Variants in ZNF184 observed in about 807,000 individuals in gnomAD.
ZNF184 encodes zinc finger protein 184 (Kruppel-like).
In ZNF184, 16 loss-of-function variants were observed where a neutral mutation model predicts 54.4. That is an observed-to-expected ratio of 0.29 (90% CI 0.20 to 0.45). The LOEUF (loss-of-function observed/expected upper bound fraction) is 0.45, where lower values mean the gene tolerates loss of function less well. Ranked by LOEUF, ZNF184 falls within the 20% of genes least tolerant of loss-of-function variation. The pLI, the probability that ZNF184 is intolerant of heterozygous loss-of-function variation, is 1.00. For synonymous variants in ZNF184, 254 were observed against 295.3 expected, an observed-to-expected ratio of 0.86 and a Z score of 1.43; for missense variants, 681 against 888.2, an observed-to-expected ratio of 0.77 and a Z score of 2.97.
At chr6:27,423,465 T>C in the ZNF184 span, among the ~76,000 whole-genome samples, 144 of 152,262 alleles carry the variant, frequency 9.5e-4, no homozygotes, top group Non-Finnish European at 1.6e-3. Context: ...GGCTGTGAGT[T>C]TGAAGAAAGA....
intron 3 of ZNF184, among the ~76,000 whole-genome samples, chr6:27,465,511 C>CAAAAAAAAAAAA (rs1345135612): frequency 3.4e-5 from 3 of 88,442 alleles, no homozygotes; most frequent in Non-Finnish European, 2.4e-5. Context: ...AAAAAAAAAG[C>CAAAAAAAAAAAA]AAAACCCAAC....
chr6:27,451,456 ATTACAG>A lies in ZNF184; in HGVS notation c.2097_2102del (p.Cys700_Asn701del). On this transcript the variant is annotated inframe_deletion, in exon 6 of 6. Transcript: ENST00000683788. ...TCTGGCTAAAAGTCTTTCTGCATTC[ATTACAG>A]TTATAAGGTTTCTCTCCAGTATGAG... 6.2e-7 allele frequency: 1 copy of A among 1,614,146 alleles called. No individual in the cohort carries two copies. Among genetic ancestry groups the A allele is most frequent in the Non-Finnish European group, 8.5e-7 (1 of 1,180,018 alleles).
the ZNF184 span, among the ~76,000 whole-genome samples, chr6:27,413,973 C>T: frequency 6.6e-6 from 1 of 152,174 alleles, no homozygotes; most frequent in Non-Finnish European, 1.5e-5. Context: ...GATTTGAGAT[C>T]TCAAGAACTA....
the ZNF184 span, chr6:27,407,638 C>T: frequency 1.6e-6 from 1 of 607,832 alleles, no homozygotes; most frequent in East Asian, 2.9e-5. Flanking sequence ...GAGGTGTGTG[C>T]CTGCACGCCA....
At chr6:27,442,880 A>AAGAAAGAAAG in the ZNF184 span, among the ~76,000 whole-genome samples, 7 of 86,256 alleles carry the variant, frequency 8.1e-5, no homozygotes, top group African/African-American at 2.5e-4. Flanking sequence ...GAAAGAAAGA[A>AAGAAAGAAAG]AAAGAAAAAA....
At chr6:27,449,253 C>A (rs943362354), downstream of ZNF184, among the ~76,000 whole-genome samples, 3 of 152,184 alleles carry the variant, frequency 2.0e-5, no homozygotes, top group East Asian at 1.9e-4. Context: ...ATAAATTACA[C>A]ATGAAGGTAT....
the ZNF184 span, among the ~76,000 whole-genome samples, chr6:27,440,654 G>T: frequency 1.1e-3 from 173 of 152,236 alleles, no homozygotes; most frequent in African/African-American, 3.9e-3. Flanking sequence ...CATTGGGTTT[G>T]GGGGGAGCTT....
chr6:27,427,009 C>T, the ZNF184 span, among the ~76,000 whole-genome samples: 1 of 148,530 alleles, frequency 6.7e-6, no homozygotes, highest in Non-Finnish European at 1.5e-5. Flanking sequence ...TCTACAGAAA[C>T]CTAAATGGCA....
the ZNF184 span, among the ~76,000 whole-genome samples, chr6:27,422,776 G>C: frequency 2.0e-5 from 3 of 152,036 alleles, no homozygotes; most frequent in African/African-American, 7.2e-5. Flanking sequence ...GCCCAAACCC[G>C]ATACACTGAG....
chr6:27,452,048 C>A lies in ZNF184; in HGVS notation c.1511G>T (p.Cys504Phe). 1 of 1,614,002 alleles carries A rather than the reference C, an allele frequency of 6.2e-7. No homozygotes were observed. The highest frequency in any genetic ancestry group is 1.3e-5 in the African/African-American group (1 of 75,050). ...RIHTREKPFE[C>F]SECGKAFSYL... is the part of the protein sequence containing the mutation. ...ACTGAAAGCCTTTCCACATTCACTG[C>A]ATTCAAAGGGCTTTTCTCTCGTGTG... Residue 504 changes from cysteine (C) to phenylalanine (F), a missense_variant, in exon 6 of 6, where the codon TGC becomes TTC. Transcript: ENST00000683788. The surrounding 1 kb of genome is among the most constrained non-coding windows in gnomAD (Gnocchi z 5.5).
chr6:27,406,668 G>C, the ZNF184 span: 1 of 152,278 alleles, frequency 6.6e-6, no homozygotes, highest in East Asian at 1.9e-4. Flanking sequence ...CTGTACAAGA[G>C]TGCCAACATT....
chr6:27,425,168 G>A, the ZNF184 span, among the ~76,000 whole-genome samples: 1 of 152,196 alleles, frequency 6.6e-6, no homozygotes, highest in Non-Finnish European at 1.5e-5. Flanking sequence ...CAGCTGGCCC[G>A]CAAGCGCCGC....
the ZNF184 span, among the ~76,000 whole-genome samples, chr6:27,432,717 T>C: frequency 6.6e-6 from 1 of 152,234 alleles, no homozygotes; most frequent in East Asian, 1.9e-4. This position sits in a 1 kb window ranked among gnomAD's most constrained non-coding sequence, Gnocchi z 4.0. Flanking sequence ...GTCCCAAATG[T>C]TCTTCCAGAA....
At chr6:27,439,497 C>T in the ZNF184 span, among the ~76,000 whole-genome samples, 1 of 152,154 alleles carries the variant, frequency 6.6e-6, no homozygotes, top group Non-Finnish European at 1.5e-5. Context: ...TCCAGGATCA[C>T]CTGAAGCAGA....
the ZNF184 span, among the ~76,000 whole-genome samples, chr6:27,408,170 G>T: frequency 2.6e-5 from 4 of 152,212 alleles, no homozygotes. Flanking sequence ...AAAGAGAGGA[G>T]AAATGGGACA....
the ZNF184 span, among the ~76,000 whole-genome samples, chr6:27,444,436 C>T: frequency 6.6e-6 from 1 of 152,106 alleles, no homozygotes; most frequent in Non-Finnish European, 1.5e-5. Context: ...TCTCTCTATT[C>T]ATTCAATCCC....
At chr6:27,438,271 G>A in the ZNF184 span, among the ~76,000 whole-genome samples, 6 of 152,106 alleles carry the variant, frequency 3.9e-5, no homozygotes, top group African/African-American at 1.2e-4. Flanking sequence ...AATAGATTGT[G>A]AAGTCTTGAG....
At chr6:27,411,949 A>G in the ZNF184 span, among the ~76,000 whole-genome samples, 2 of 151,874 alleles carry the variant, frequency 1.3e-5, no homozygotes, top group East Asian at 3.9e-4. Flanking sequence ...GACAGCTAAT[A>G]CTGCGGGGTG....
Position 27,470,721 on chromosome 6 carries a change from G to A in ZNF184, c.7+1567C>T, listed in dbSNP as rs138432097. Among the ~76,000 whole-genome samples, 75 of 152,222 alleles carry A rather than the reference G, an allele frequency of 4.9e-4. No homozygotes were observed. The East Asian group carries it at 0.014, about 29-fold the overall frequency. On this transcript the variant is annotated intron_variant, in intron 2 of 5. Transcript: ENST00000683788. The stretch of plus-strand genomic sequence containing the variant: ...AGAACCAAAAACAGCAACAGTTACA[G>A]AAACCAACTGTGTGCTTGGCACATA...
Sources: allele counts gnomAD v4.1 joint callset (sites outside exome capture counted in the v4.1 genomes callset), GRCh38; gene constraint gnomAD v4.1.1; non-coding constraint Gnocchi (gnomAD v3.1); transcripts MANE v1.5; gene names NCBI Gene and HGNC (gene_info 2026-07-23, HGNC 2026-07-21).